Variants in PPP2R1B observed in about 807,000 individuals in gnomAD.
The protein encoded by PPP2R1B is protein phosphatase 2 scaffold subunit Abeta.
In PPP2R1B, 58 loss-of-function variants were observed where a neutral mutation model predicts 72.7. The ratio of observed to expected loss-of-function variants is 0.80; its 90% CI spans 0.65 to 0.99. The LOEUF (loss-of-function observed/expected upper bound fraction) is 0.99. PPP2R1B is among the 50% of genes least tolerant of loss of function. The pLI is 0.00. For synonymous variants in PPP2R1B, 256 were observed against 264.6 expected (o/e 0.97, Z 0.32); for missense variants, 695 against 733.6 (o/e 0.95, Z 0.61).
chr11:111,738,645 G>A lies in PPP2R1B; in HGVS notation c.*2951C>T. The A allele has an allele frequency of 1.0e-6, 1 of 985,400 alleles. No individual in the cohort carries two copies. The highest frequency in any genetic ancestry group is 1.2e-6 in the Non-Finnish European group (1 of 829,948). The allele number at this position is 985,400 out of a possible 1,614,324, so 61.0% of individuals were successfully genotyped here. ...AGTGGCTGAGCTGTGGTATTTCTGTGAGCTGAGGGCAGCCCGTTATTTCAA... is the reference window on the plus strand; with the variant it reads ...AGTGGCTGAGCTGTGGTATTTCTGTAAGCTGAGGGCAGCCCGTTATTTCAA... On this transcript the variant is annotated 3_prime_UTR_variant, in exon 15 of 15. Transcript: ENST00000527614.
chr11:111,760,411 G>A (rs1292199316), intron 4 of PPP2R1B, among the ~76,000 whole-genome samples: 1 of 152,064 alleles, frequency 6.6e-6, no homozygotes, highest in Non-Finnish European at 1.5e-5. Flanking sequence ...TTGAACTCCT[G>A]AGTTCAAGCA....
At chr11:111,754,456 C>T in intron 8 of PPP2R1B, 43 bp downstream of exon 8, 1 of 1,576,176 alleles carries the variant, frequency 6.3e-7, no homozygotes, top group Non-Finnish European at 8.6e-7. Flanking sequence ...TTAAGGTTTA[C>T]CTTCATATAA....
the PPP2R1B span, chr11:111,720,879 G>A: frequency 6.2e-7 from 1 of 1,611,874 alleles, no homozygotes; most frequent in East Asian, 2.2e-5. Context: ...AAACTGTTTG[G>A]TCTTGGTGCT....
intron 5 of PPP2R1B, among the ~76,000 whole-genome samples, chr11:111,755,858 G>C (rs936307608): frequency 2.6e-5 from 4 of 152,046 alleles, no homozygotes; most frequent in African/African-American, 9.7e-5. Flanking sequence ...CCAAAGTGCT[G>C]GGTGCTGGGA....
At chr11:111,708,856 G>A in the PPP2R1B span, among the ~76,000 whole-genome samples, 10 of 152,098 alleles carry the variant, frequency 6.6e-5, no homozygotes, top group African/African-American at 1.9e-4. Flanking sequence ...CCAAAGTGTC[G>A]GGATTGCAGG....
downstream of PPP2R1B, chr11:111,737,630 C>T: frequency 1.2e-6 from 2 of 1,606,272 alleles, no homozygotes; most frequent in South Asian, 1.1e-5. Flanking sequence ...CTCCCAAGCC[C>T]ACCTGTGCTT....
rs782351526 is a variant in PPP2R1B, at chr11:111,759,929, C to G, written c.562G>C (p.Asp188His). ...GCACGTCGTACCATTGGTGTGTCATCTGAGCACAAGGAACGGAATTGCCTG... is the reference window on the plus strand; with the variant it reads ...GCACGTCGTACCATTGGTGTGTCATGTGAGCACAAGGAACGGAATTGCCTG... ...IRQQFRSLCS[D>H]DTPMVRRAAA... Residue 188 changes from aspartate to histidine, a missense_variant, in exon 5 of 15, where the codon GAT becomes CAT. Transcript: ENST00000527614. 2 of 1,614,084 alleles carry G rather than the reference C, an allele frequency of 1.2e-6. No individual in the cohort carries two copies. Among genetic ancestry groups the G allele is most frequent in the Non-Finnish European group, 8.5e-7 (1 of 1,179,966 alleles).
At chr11:111,760,778 T>C (rs994741916) in intron 4 of PPP2R1B, 41 bp downstream of exon 4, 13 of 1,552,746 alleles carry the variant, frequency 8.4e-6, no homozygotes, top group African/African-American at 2.7e-5. Context: ...GCTTACTACC[T>C]GATTTCTGCT....
At chr11:111,724,023 C>T (rs1943890306), downstream of PPP2R1B, 2 of 1,614,212 alleles carry the variant, frequency 1.2e-6, no homozygotes, top group East Asian at 2.2e-5. Context: ...CAAGAGGCCC[C>T]CTCCAGCTAC....
chr11:111,699,057 G>A, the PPP2R1B span, among the ~76,000 whole-genome samples: 1 of 152,192 alleles, frequency 6.6e-6, no homozygotes. Flanking sequence ...TATGAGATAT[G>A]ATGTTCTAGG....
the PPP2R1B span, among the ~76,000 whole-genome samples, chr11:111,714,018 A>G: frequency 5.4e-4 from 83 of 152,362 alleles, no homozygotes; most frequent in Middle Eastern, 3.4e-3. Flanking sequence ...TATAAATCAG[A>G]ACGAGGCAGG....
At chr11:111,693,114 ACGAGGGCAGGATTT>A in the PPP2R1B span, among the ~76,000 whole-genome samples, 1 of 152,050 alleles carries the variant, frequency 6.6e-6, no homozygotes, top group African/African-American at 2.4e-5. Flanking sequence ...TGGGCGGATC[ACGAGGGCAGGATTT>A]CGAGACCATC....
chr11:111,700,286 T>C, the PPP2R1B span, among the ~76,000 whole-genome samples: 2 of 152,194 alleles, frequency 1.3e-5, no homozygotes, highest in African/African-American at 4.8e-5. Context: ...GTGATGGTGA[T>C]AGGTGGCTTG....
At chr11:111,702,656 G>A in the PPP2R1B span, among the ~76,000 whole-genome samples, 1 of 152,194 alleles carries the variant, frequency 6.6e-6, no homozygotes, top group Non-Finnish European at 1.5e-5. Flanking sequence ...CCTTATGTGT[G>A]AGTGAAGAGC....
chr11:111,695,931 G>A, the PPP2R1B span, among the ~76,000 whole-genome samples: 1 of 152,168 alleles, frequency 6.6e-6, no homozygotes, highest in Non-Finnish European at 1.5e-5. Flanking sequence ...AATGGTTTTT[G>A]TTAGGACCAT....
At chr11:111,689,857 T>C in the PPP2R1B span, among the ~76,000 whole-genome samples, 1 of 152,202 alleles carries the variant, frequency 6.6e-6, no homozygotes, top group Non-Finnish European at 1.5e-5. Flanking sequence ...ATATTACATA[T>C]GTTACAGGAT....
downstream of PPP2R1B, among the ~76,000 whole-genome samples, chr11:111,734,404 T>A (rs1236352452): frequency 6.6e-6 from 1 of 152,224 alleles, no homozygotes; most frequent in Non-Finnish European, 1.5e-5. Flanking sequence ...AGAATCTATG[T>A]CACAGGTAGG....
chr11:111,707,716 C>A, the PPP2R1B span, among the ~76,000 whole-genome samples: 1 of 152,104 alleles, frequency 6.6e-6, no homozygotes, highest in Non-Finnish European at 1.5e-5. Context: ...CCTTGATGTT[C>A]TAATTTTTTT....
chr11:111,703,316 G>C, the PPP2R1B span: 1 of 1,614,178 alleles, frequency 6.2e-7, no homozygotes. Flanking sequence ...CCAGAGACCT[G>C]TTCTCTATCC....
Sources: gnomAD v4.1 joint callset for allele counts (sites outside exome capture counted in the v4.1 genomes callset) on GRCh38, gnomAD v4.1.1 for gene constraint, MANE v1.5 for transcripts, NCBI Gene and HGNC (gene_info 2026-07-23, HGNC 2026-07-21) for gene names.